Variants in NUP98 observed in about 807,000 individuals in gnomAD.
The protein encoded by NUP98 is nucleoporin 98 and 96 precursor.
A neutral mutation model predicts 191.9 loss-of-function variants in NUP98; 26 were observed. The observed-to-expected ratio is 0.14, with a 90% CI of 0.10 to 0.19. The LOEUF (loss-of-function observed/expected upper bound fraction) is 0.19. Among genes scored for constraint, NUP98 ranks in the 10% least tolerant of loss-of-function variants. The pLI, the probability that NUP98 is intolerant of heterozygous loss-of-function variation, is 1.00. For missense variants in NUP98, 1,941 were observed against 2,178.8 expected (o/e 0.89, Z 2.17); for synonymous variants, 808 against 778.4 (o/e 1.04, Z -0.63).
intron 1 of NUP98, among the ~76,000 whole-genome samples, chr11:3,796,140 GCT>G (rs1221907365): frequency 1.3e-5 from 2 of 152,130 alleles, no homozygotes; most frequent in South Asian, 2.1e-4. Context: ...AATGATCACT[GCT>G]CTCTTTTTGC....
chr11:3,700,110 C>A (rs991696143), intron 24 of NUP98, among the ~76,000 whole-genome samples: 1 of 152,018 alleles, frequency 6.6e-6, no homozygotes. Flanking sequence ...AATCCCAGCA[C>A]TTTGGAAAGT....
chr11:3,773,751 A>T lies in NUP98; in HGVS notation c.496-12T>A. 6.5e-7 allele frequency: 1 copy of T among 1,542,350 alleles called. No homozygotes were observed. ...GTACCAGTTGGAGGCTGCAAAGTTAAATAAAGGCAAATTTGTAGGTCCAAG... is the reference window on the plus strand; with the variant it reads ...GTACCAGTTGGAGGCTGCAAAGTTATATAAAGGCAAATTTGTAGGTCCAAG... On this transcript the variant is annotated splice_polypyrimidine_tract_variant and intron_variant, in intron 5 of 32. Coordinates refer to ENST00000324932, the MANE Select transcript of NUP98 (RefSeq NM_016320.5).
chr11:3,698,996 G>T, intron 25 of NUP98, 86 bp downstream of exon 25: 1 of 1,485,972 alleles, frequency 6.7e-7, no homozygotes. Context: ...GAAGCCAAAG[G>T]GAAATGCACA....
chr11:3,714,095 T>C, intron 18 of NUP98, 100 bp from the exon 19 acceptor site: 1 of 1,177,082 alleles, frequency 8.5e-7, no homozygotes, highest in Non-Finnish European at 1.2e-6. Flanking sequence ...TAATGGTAAC[T>C]ATGCTGCCTT....
chr11:3,795,304 G>C (rs1296828983), intron 1 of NUP98, among the ~76,000 whole-genome samples: 1 of 152,092 alleles, frequency 6.6e-6, no homozygotes, highest in African/African-American at 2.4e-5. Context: ...ATATTAGCTG[G>C]GTATGGTGGT....
chr11:3,747,796 T>C (rs1036682997), intron 11 of NUP98, among the ~76,000 whole-genome samples: 1 of 152,166 alleles, frequency 6.6e-6, no homozygotes, highest in Admixed American at 6.6e-5. Flanking sequence ...CCTGAAGCTA[T>C]AGTGCTAGTC....
chr11:3,792,178 C>CAAAAAAAAAA (rs61471948), intron 1 of NUP98, among the ~76,000 whole-genome samples: 5 of 58,852 alleles, frequency 8.5e-5, no homozygotes, highest in Admixed American at 5.9e-4. Flanking sequence ...AACTCCATCT[C>CAAAAAAAAAA]AAAAAAAAAA....
At chr11:3,719,611 A>T in intron 17 of NUP98, 61 bp from the exon 18 acceptor site, 1 of 1,212,194 alleles carries the variant, frequency 8.2e-7, no homozygotes, top group Non-Finnish European at 1.1e-6. Flanking sequence ...CCTACTTTAC[A>T]ACTATAGTGA....
At chr11:3,786,820 G>A (rs554430764) in intron 1 of NUP98, among the ~76,000 whole-genome samples, 1 of 152,320 alleles carries the variant, frequency 6.6e-6, no homozygotes, top group East Asian at 1.9e-4. Context: ...CCAGGCAACT[G>A]TCAACTTTAA....
At position 3,691,575 on chromosome 11, in the gene NUP98, A is replaced by C. The variant is rs1224926493; in HGVS notation, c.4312-86T>G. On this transcript the variant is annotated intron_variant, in intron 27 of 32. Transcript: ENST00000324932. ...TATGTTTCTTCTTTTTTTTTTTGAG[A>C]GGCAGTCTCACTCTGTCACCCAGGC... 4 of 1,327,530 alleles carry C rather than the reference A, an allele frequency of 3.0e-6. No homozygotes were observed. The African/African-American group carries it at 5.9e-5, about 20-fold the overall frequency. The allele number at this position is 1,327,530 out of a possible 1,614,324, so 82.2% of individuals were successfully genotyped here.
intron 18 of NUP98, among the ~76,000 whole-genome samples, chr11:3,717,939 G>A (rs1438551261): frequency 6.6e-6 from 1 of 152,054 alleles, no homozygotes; most frequent in African/African-American, 2.4e-5. Flanking sequence ...TTTTGGCCAT[G>A]ATGTGTAATC....
At chr11:3,720,485 T>G (rs1177880146) in intron 17 of NUP98, among the ~76,000 whole-genome samples, 1 of 152,030 alleles carries the variant, frequency 6.6e-6, no homozygotes, top group Non-Finnish European at 1.5e-5. Flanking sequence ...CCAGGCAATG[T>G]AGCAAGACCC....
chr11:3,790,200 C>A (rs904584030), intron 1 of NUP98, among the ~76,000 whole-genome samples: 3 of 152,182 alleles, frequency 2.0e-5, no homozygotes, highest in Non-Finnish European at 4.4e-5. Flanking sequence ...ATGAACTGTT[C>A]CCTTCACGAA....
rs779108832 is a variant in NUP98, at chr11:3,679,443, G to A, written c.5073+111C>T. Reference sequence around the variant, plus strand: ...TCAGCAAGATGCCTGCTTTGACAGTGCTATCTCTGTCAGTGCATTCTCAAG... The same window carrying A: ...TCAGCAAGATGCCTGCTTTGACAGTACTATCTCTGTCAGTGCATTCTCAAG... On this transcript the variant is annotated intron_variant, in intron 31 of 32. Transcript: ENST00000324932. 14 of 1,219,338 alleles carry A rather than the reference G, an allele frequency of 1.1e-5. No homozygotes were observed. The African/African-American group carries it at 2.1e-4, about 18-fold the overall frequency. The allele number at this position is 1,219,338 out of a possible 1,614,324, so 75.5% of individuals were successfully genotyped here.
At chr11:3,757,666 G>C (rs560216675) in intron 10 of NUP98, among the ~76,000 whole-genome samples, 1 of 151,918 alleles carries the variant, frequency 6.6e-6, no homozygotes, top group Non-Finnish European at 1.5e-5. Context: ...GGGCGTGGTG[G>C]TGCATGCCTG....
chr11:3,726,338 T>C (rs116635785), intron 14 of NUP98, among the ~76,000 whole-genome samples: 2,309 of 151,524 alleles, frequency 0.015, 48 homozygotes, highest in African/African-American at 0.05. Flanking sequence ...TAATAAGATA[T>C]AATAAATTAA....
rs772780633 is a variant in NUP98, at chr11:3,719,426, A to G, written c.2385T>C (p.Gly795=). ...YLDDNQKPPV[G]EGLNRKAEVT... ...TAAACTCTTACCTATTTAGCCCTTC[A>G]CCCACAGGTGGTTTTTGGTTATCAT... Residue 795 remains glycine (G), a synonymous_variant, in exon 18 of 33, where the codon GGT becomes GGC. Transcript: ENST00000324932. 6.3e-7 allele frequency: 1 copy of G among 1,597,350 alleles called. No individual in the cohort carries two copies. Among genetic ancestry groups the G allele is most frequent in the East Asian group, 2.3e-5 (1 of 44,228 alleles).
intron 30 of NUP98, among the ~76,000 whole-genome samples, chr11:3,681,309 G>A (rs1370377677): frequency 6.6e-6 from 1 of 152,114 alleles, no homozygotes; most frequent in Admixed American, 6.5e-5. Context: ...CCAAAGTACT[G>A]GGATTACAGG....
At chr11:3,748,547 C>A (rs1387436490) in intron 11 of NUP98, among the ~76,000 whole-genome samples, 1 of 152,166 alleles carries the variant, frequency 6.6e-6, no homozygotes, top group African/African-American at 2.4e-5. Flanking sequence ...TGTGGCCCAG[C>A]ACAGTGGCTT....
Sources: allele counts gnomAD v4.1 joint callset (sites outside exome capture counted in the v4.1 genomes callset), GRCh38; gene constraint gnomAD v4.1.1; transcripts MANE v1.5; gene names NCBI Gene and HGNC (gene_info 2026-07-23, HGNC 2026-07-21).